Variants in GSG1L2 observed in about 807,000 individuals in gnomAD.
The protein encoded by GSG1L2 is germ cell-specific gene 1-like protein 2.
GSG1L2 carries 15 observed loss-of-function variants against 9.0 expected under a neutral mutation model. That is an observed-to-expected ratio of 1.67 (90% CI 1.12 to 2.57). The LOEUF (loss-of-function observed/expected upper bound fraction) is 2.57, where lower values mean the gene tolerates loss of function less well. Among genes scored for constraint, GSG1L2 ranks in the 30% most tolerant of loss-of-function variants. GSG1L2 has a pLI of 0.00. For synonymous variants in GSG1L2, 127 were observed against 57.9 expected, an observed-to-expected ratio of 2.19 and a Z score of -5.41; for missense variants, 286 against 150.3, an observed-to-expected ratio of 1.90 and a Z score of -4.72.
rs910603469 is a variant in GSG1L2 at position 9,802,545 on chromosome 17, T to C, written c.723A>G (p.Ala241=). The C allele has an allele frequency of 1.4e-6, 1 of 702,376 alleles. No homozygotes were observed. Among genetic ancestry groups the C allele is most frequent in the Non-Finnish European group, 2.6e-6 (1 of 384,878 alleles). 43.5% of individuals were successfully genotyped at this position (702,376 alleles called of 1,614,324 possible). Residue 241 remains alanine (A), a synonymous_variant, in exon 5 of 5, where the codon GCA becomes GCG. Coordinates refer to ENST00000399363, the MANE Select transcript of GSG1L2 (RefSeq NM_001310219.2). The part of the protein sequence containing the change: ...ARLEFTEKQQ[A]QNGSRHSQHS... Reference sequence around the variant, plus strand: ...GTTGAGAGTGCCGACTGCCGTTCTGTGCCTGCTGCTTCTCGGTGAATTCCA... The same window carrying C: ...GTTGAGAGTGCCGACTGCCGTTCTGCGCCTGCTGCTTCTCGGTGAATTCCA...
rs148009028 is a variant in GSG1L2, at chr17:9,815,461, A to G, written c.311-4843T>C. ...TTCCACCAAACAATAGTCTTATAGA[A>G]TATTAATCCTTATTAAAAAAATCTC... On this transcript the variant is annotated intron_variant, in intron 1 of 4. Coordinates refer to ENST00000399363, the MANE Select transcript of GSG1L2 (RefSeq NM_001310219.2). 4.9e-3 allele frequency among the ~76,000 whole-genome samples: 752 copies of G among 152,336 alleles called. 4 individuals are homozygous for G. Among genetic ancestry groups the G allele is most frequent in the African/African-American group, 0.017 (711 of 41,560 alleles).
At chr17:9,805,846 T>G (rs2152022227) in intron 4 of GSG1L2, among the ~76,000 whole-genome samples, 1 of 152,268 alleles carries the variant, frequency 6.6e-6, no homozygotes, top group African/African-American at 2.4e-5. Flanking sequence ...TTGCTTGCTT[T>G]CTTTCGTCCC....
chr17:9,813,670 T>C lies in GSG1L2; in HGVS notation c.311-3052A>G, dbSNP rs527668127. Among the ~76,000 whole-genome samples, 76 of 152,328 alleles carry C rather than the reference T, an allele frequency of 5.0e-4. 1 individual carries two copies. In the South Asian group the frequency reaches 0.016, roughly 32 times the overall value. On this transcript the variant is annotated intron_variant, in intron 1 of 4. Transcript: ENST00000399363. ...CTCTCTCGGAGAACTCGGGGGCTGA[T>C]GCAGAGCCTTCTCTCACGTCGCCTC...
intron 1 of GSG1L2, chr17:9,810,837 G>C: frequency 1.8e-6 from 1 of 565,074 alleles, no homozygotes; most frequent in South Asian, 2.3e-5. Context: ...TGAACTGGGA[G>C]CAAAAATGAG....
At chr17:9,816,407 T>TGC (rs2066560207) in intron 1 of GSG1L2, among the ~76,000 whole-genome samples, 1 of 148,496 alleles carries the variant, frequency 6.7e-6, no homozygotes, top group Non-Finnish European at 1.5e-5. Context: ...TGTGTGTGTG[T>TGC]GTGTGTGTCT....
rs552117977 is a variant in GSG1L2 at position 9,813,699 on chromosome 17, C to T, written c.311-3081G>A. The stretch of plus-strand genomic sequence containing the variant: ...GAGCCTTCTCTCACGTCGCCTCATC[C>T]GATCCCAACCATACCCTGGCGAGTC... On this transcript the variant is annotated intron_variant, in intron 1 of 4. Transcript: ENST00000399363. Among the ~76,000 whole-genome samples the T allele has an allele frequency of 9.2e-5, 14 of 152,310 alleles. No individual in the cohort carries two copies. The East Asian group carries it at 1.2e-3, about 13-fold the overall frequency.
chr17:9,808,631 C>T (rs1424230289), intron 3 of GSG1L2, among the ~76,000 whole-genome samples, 199 bp downstream of exon 3: 1 of 152,152 alleles, frequency 6.6e-6, no homozygotes, highest in Non-Finnish European at 1.5e-5. Flanking sequence ...CTGTGCCTAG[C>T]CCCTTTTCAT....
chr17:9,816,355 C>T (rs1025796951), intron 1 of GSG1L2, among the ~76,000 whole-genome samples: 6 of 135,398 alleles, frequency 4.4e-5, no homozygotes, highest in South Asian at 3.0e-4. Flanking sequence ...TGCACGTGCA[C>T]GCGTATGCGT....
intron 3 of GSG1L2, chr17:9,807,845 T>C: frequency 2.3e-6 from 1 of 426,790 alleles, no homozygotes; most frequent in Non-Finnish European, 4.4e-6. Context: ...CATGGCCTGG[T>C]TCCTTCCTAA....
intron 4 of GSG1L2, among the ~76,000 whole-genome samples, chr17:9,802,912 C>T (rs2152021786): frequency 6.6e-6 from 1 of 152,196 alleles, no homozygotes. Flanking sequence ...GTTGCTTTAC[C>T]TCTTTGAATC....
chr17:9,817,229 C>T (rs4791875), intron 1 of GSG1L2, among the ~76,000 whole-genome samples: 78,812 of 151,954 alleles, frequency 0.52, 21,521 homozygotes, highest in East Asian at 0.99. Context: ...CTGCTCCCAC[C>T]CCTGCCGGAA....
chr17:9,814,815 C>T (rs1009799075), intron 1 of GSG1L2, among the ~76,000 whole-genome samples: 16 of 152,158 alleles, frequency 1.1e-4, no homozygotes, highest in African/African-American at 3.9e-4. Flanking sequence ...TGTTCTCCGC[C>T]GGCCCCCACT....
intron 4 of GSG1L2, 178 bp downstream of exon 4, chr17:9,807,312 T>C (rs2066519523): frequency 1.7e-6 from 1 of 586,314 alleles, no homozygotes; most frequent in African/African-American, 1.9e-5. Flanking sequence ...GAGGCAGGTA[T>C]CCTCACTTTA....
chr17:9,808,701 A>G, intron 3 of GSG1L2, 129 bp downstream of exon 3: 1 of 590,710 alleles, frequency 1.7e-6, no homozygotes. Flanking sequence ...TATCCAGGGG[A>G]CCACCCGCCC....
intron 1 of GSG1L2, among the ~76,000 whole-genome samples, chr17:9,819,276 T>C (rs567084513): frequency 5.9e-5 from 9 of 152,292 alleles, no homozygotes; most frequent in Admixed American, 5.9e-4. Context: ...ACAATATTGA[T>C]AGAGTCAAAA....
Position 9,816,818 on chromosome 17 carries a change from CTG to C in GSG1L2, c.310+4942_310+4943del, listed in dbSNP as rs1248639540. Among the ~76,000 whole-genome samples the C allele has an allele frequency of 1.9e-4, 28 of 145,984 alleles. No homozygotes were observed. The South Asian group carries it at 2.6e-3, about 13-fold the overall frequency. On this transcript the variant is annotated intron_variant, in intron 1 of 4. Transcript: ENST00000399363. ...ATCTGTGTATGTGTGTCTGTTGTAT[CTG>C]TGTGTGTCTGTGTATCTGTGTGTGT...
chr17:9,818,067 CCTT>C (rs1295728880), intron 1 of GSG1L2, among the ~76,000 whole-genome samples: 3 of 152,180 alleles, frequency 2.0e-5, no homozygotes, highest in African/African-American at 4.8e-5. Context: ...AATAACCTCT[CCTT>C]CTGTGTAACT....
intron 4 of GSG1L2, 21 bp downstream of exon 4, chr17:9,807,469 C>T (rs1356791978): frequency 7.1e-6 from 5 of 702,608 alleles, no homozygotes; most frequent in Non-Finnish European, 1.3e-5. Context: ...AGGACTTCAG[C>T]ACCATGACCA....
intron 2 of GSG1L2, 23 bp downstream of exon 2, chr17:9,810,548 C>T: frequency 1.4e-6 from 1 of 702,846 alleles, no homozygotes; most frequent in Non-Finnish European, 2.6e-6. Flanking sequence ...TGCTAGTGGG[C>T]AGAGTGTGAG....
Sources: gnomAD v4.1 joint callset for allele counts (sites outside exome capture counted in the v4.1 genomes callset) on GRCh38, gnomAD v4.1.1 for gene constraint, MANE v1.5 for transcripts, NCBI Gene and HGNC (gene_info 2026-07-23, HGNC 2026-07-21) for gene names.